Variants in AGBL4 observed in about 807,000 individuals in gnomAD.
AGBL4 encodes cytosolic carboxypeptidase 6.
A neutral mutation model predicts 66.4 loss-of-function variants in AGBL4; 58 were observed. That is an observed-to-expected ratio of 0.87 (90% CI 0.71 to 1.09). The LOEUF is 1.09. Among genes scored for constraint, AGBL4 ranks in the 50% least tolerant of loss-of-function variants. The pLI, the probability that AGBL4 is intolerant of heterozygous loss-of-function variation, is 0.00. For missense variants in AGBL4, 579 were observed against 631.0 expected (o/e 0.92, Z 0.88); for synonymous variants, 234 against 222.9 (o/e 1.05, Z -0.44).
chr1:49,857,707 C>T (rs1646468818), intron 1 of AGBL4, among the ~76,000 whole-genome samples: 1 of 152,026 alleles, frequency 6.6e-6, no homozygotes, highest in Non-Finnish European at 1.5e-5. Flanking sequence ...CCATCTCTCA[C>T]CATATACAAA....
intron 6 of AGBL4, among the ~76,000 whole-genome samples, chr1:48,790,336 A>G (rs529429704): frequency 6.6e-6 from 1 of 151,504 alleles, no homozygotes; most frequent in Admixed American, 6.6e-5. Context: ...AAAGACAGAC[A>G]CAAATGAAGA....
intron 4 of AGBL4, among the ~76,000 whole-genome samples, chr1:49,117,849 T>C (rs529783039): frequency 6.6e-5 from 10 of 152,214 alleles, no homozygotes; most frequent in South Asian, 2.1e-4. Context: ...TTCCTATCCA[T>C]GAGCATGGAA....
intron 4 of AGBL4, among the ~76,000 whole-genome samples, chr1:49,213,824 A>G (rs1648864020): frequency 6.6e-6 from 1 of 152,022 alleles, no homozygotes; most frequent in Admixed American, 6.6e-5. Context: ...CCTGCAATCC[A>G]TAGGGATCTC....
intron 3 of AGBL4, among the ~76,000 whole-genome samples, chr1:49,283,293 G>C (rs1172431941): frequency 1.3e-5 from 2 of 152,134 alleles, no homozygotes; most frequent in African/African-American, 4.8e-5. Context: ...TATTCCAACA[G>C]ACTCGCAGCT....
intron 1 of AGBL4, among the ~76,000 whole-genome samples, chr1:49,856,458 C>T (rs1157075019): frequency 6.6e-6 from 1 of 152,030 alleles, no homozygotes; most frequent in Non-Finnish European, 1.5e-5. Flanking sequence ...CTCTAATGAA[C>T]ATAGAATCAA....
Position 49,438,373 on chromosome 1 carries a change from G to A in AGBL4, c.283-192509C>T, listed in dbSNP as rs1244447046. Among the ~76,000 whole-genome samples, 4 of 152,294 alleles carry A rather than the reference G, an allele frequency of 2.6e-5. No homozygotes were observed. In the East Asian group the frequency reaches 5.8e-4, roughly 22 times the overall value. On this transcript the variant is annotated intron_variant, in intron 3 of 13. Transcript: ENST00000371839. ...GGTGATTTGTGCATTATTTAAACAC[G>A]AAAACAGAAAGAAAATTCAGAGGGA...
intron 1 of AGBL4, among the ~76,000 whole-genome samples, chr1:49,923,178 C>A (rs1652437194): frequency 6.6e-6 from 1 of 152,170 alleles, no homozygotes; most frequent in African/African-American, 2.4e-5. Flanking sequence ...AAACAACTAT[C>A]TGATCTTTGA....
chr1:48,762,565 G>A (rs1388772434), intron 6 of AGBL4, among the ~76,000 whole-genome samples: 1 of 151,244 alleles, frequency 6.6e-6, no homozygotes, highest in African/African-American at 2.4e-5. Flanking sequence ...GCCCAATGTT[G>A]GATGTAGCAT....
chr1:49,244,378 C>A (rs1273435051), intron 4 of AGBL4, among the ~76,000 whole-genome samples: 2 of 151,596 alleles, frequency 1.3e-5, no homozygotes, highest in Admixed American at 1.3e-4. Flanking sequence ...ACCCCTTGCC[C>A]AGAAAGACTG....
intron 3 of AGBL4, among the ~76,000 whole-genome samples, chr1:49,272,166 A>G (rs1481117018): frequency 6.6e-6 from 1 of 152,218 alleles, no homozygotes; most frequent in Non-Finnish European, 1.5e-5. Context: ...AGTAAAATAT[A>G]AAACTGTTGT....
intron 2 of AGBL4, among the ~76,000 whole-genome samples, chr1:49,811,214 G>A (rs1645095062): frequency 6.6e-6 from 1 of 152,132 alleles, no homozygotes; most frequent in Non-Finnish European, 1.5e-5. Context: ...GGATCCTGTG[G>A]AAAATGGTGT....
chr1:49,495,603 T>C (rs757352246), intron 3 of AGBL4, among the ~76,000 whole-genome samples: 1 of 151,412 alleles, frequency 6.6e-6, no homozygotes, highest in Non-Finnish European at 1.5e-5. Flanking sequence ...AGTGATAAAG[T>C]ATAAAAATTT....
rs575577603 is a variant in AGBL4 at position 48,843,595 on chromosome 1, T to C, written c.634+23596A>G. ...TATAATATTCAAATTTCAGTGTTTATAATGAAATTTTATTGCAACATACAC... is the reference window on the plus strand; with the variant it reads ...TATAATATTCAAATTTCAGTGTTTACAATGAAATTTTATTGCAACATACAC... On this transcript the variant is annotated intron_variant, in intron 6 of 13. Coordinates refer to ENST00000371839, the MANE Select transcript of AGBL4 (RefSeq NM_032785.4). 2.6e-5 allele frequency among the ~76,000 whole-genome samples: 4 copies of C among 152,250 alleles called. No homozygotes were observed. The South Asian group carries it at 8.3e-4, about 32-fold the overall frequency.
intron 1 of AGBL4, among the ~76,000 whole-genome samples, chr1:49,966,069 G>A (rs1253185997): frequency 6.6e-6 from 1 of 151,134 alleles, no homozygotes; most frequent in Admixed American, 6.6e-5. Flanking sequence ...AGCCTACCAA[G>A]TAGCTGGGAC....
intron 5 of AGBL4, among the ~76,000 whole-genome samples, chr1:48,907,422 A>T (rs1252420977): frequency 6.6e-6 from 1 of 152,228 alleles, no homozygotes; most frequent in Non-Finnish European, 1.5e-5. Context: ...CTAAAGGTCC[A>T]CGTGTTTCTC....
At chr1:49,584,248 A>C (rs910593538) in intron 3 of AGBL4, among the ~76,000 whole-genome samples, 4 of 152,206 alleles carry the variant, frequency 2.6e-5, no homozygotes, top group Admixed American at 2.6e-4. Context: ...AATGTGTCTA[A>C]AATGAATTTG....
intron 1 of AGBL4, among the ~76,000 whole-genome samples, chr1:49,886,849 T>C (rs1411884004): frequency 6.6e-6 from 1 of 152,166 alleles, no homozygotes; most frequent in Admixed American, 6.6e-5. Context: ...TTAATTTATA[T>C]GCTAAAAACA....
intron 3 of AGBL4, among the ~76,000 whole-genome samples, chr1:49,345,416 C>G (rs1645617065): frequency 6.6e-6 from 1 of 152,052 alleles, no homozygotes; most frequent in African/African-American, 2.4e-5. Flanking sequence ...AGTTTATAAT[C>G]AGCTAGAGGA....
chr1:48,966,517 G>A (rs890460564), intron 5 of AGBL4, among the ~76,000 whole-genome samples: 2 of 152,052 alleles, frequency 1.3e-5, no homozygotes, highest in Non-Finnish European at 2.9e-5. Flanking sequence ...GAGTCTTAAG[G>A]GGGTCATTTG....
Sources: allele counts gnomAD v4.1 joint callset (sites outside exome capture counted in the v4.1 genomes callset), GRCh38; gene constraint gnomAD v4.1.1; transcripts MANE v1.5; gene names NCBI Gene and HGNC (gene_info 2026-07-23, HGNC 2026-07-21).